The following CFAP53 variants were observed in gnomAD, a reference collection of about 807,000 sequenced individuals.
The protein encoded by CFAP53 is cilia and flagella associated protein 53.
A neutral mutation model predicts 59.7 loss-of-function variants in CFAP53; 62 were observed. That is an observed-to-expected ratio of 1.04 (90% CI 0.85 to 1.28). CFAP53 has a LOEUF of 1.28. Among genes scored for constraint, CFAP53 ranks in the 50% most tolerant of loss-of-function variants. CFAP53 has a pLI of 0.00. For missense variants in CFAP53, 629 were observed against 615.6 expected (o/e 1.02, Z -0.23); for synonymous variants, 218 against 205.7 (o/e 1.06, Z -0.51).
At chr18:50,252,443 G>C (rs925050198) in intron 3 of CFAP53, among the ~76,000 whole-genome samples, 1 of 151,876 alleles carries the variant, frequency 6.6e-6, no homozygotes, top group Non-Finnish European at 1.5e-5. Flanking sequence ...TCACTCTGTC[G>C]CTCAGGCTGG....
Position 50,227,447 on chromosome 18 carries a change from G to A in CFAP53, c.1479C>T (p.Thr493=). Reference sequence around the variant, plus strand: ...GAATGTTTTGAGGCAGCACTTGATGGGTGGACAGGACCTCCTGGACCTTGT... The same window carrying A: ...GAATGTTTTGAGGCAGCACTTGATGAGTGGACAGGACCTCCTGGACCTTGT... ...CLDKVQEVLS[T]HQVLPQNIHP... Residue 493 remains threonine, a synonymous_variant, in exon 8 of 8, where the codon ACC becomes ACT. Transcript: ENST00000398545. The A allele has an allele frequency of 6.2e-7, 1 of 1,614,138 alleles. No individual in the cohort carries two copies. Among genetic ancestry groups the A allele is most frequent in the Non-Finnish European group, 8.5e-7 (1 of 1,180,022 alleles).
chr18:50,231,475 G>A (rs2033583073), intron 7 of CFAP53, among the ~76,000 whole-genome samples: 1 of 152,200 alleles, frequency 6.6e-6, no homozygotes, highest in South Asian at 2.1e-4. Context: ...TCTACCCAGA[G>A]AGACAATTGT....
chr18:50,236,734 T>G (rs2144405610), intron 7 of CFAP53, among the ~76,000 whole-genome samples: 1 of 152,306 alleles, frequency 6.6e-6, no homozygotes, highest in South Asian at 2.1e-4. Context: ...AGCCTTCAGA[T>G]GAATATATAG....
intron 3 of CFAP53, among the ~76,000 whole-genome samples, chr18:50,258,458 T>C (rs2033864017): frequency 1.3e-5 from 2 of 152,132 alleles, no homozygotes; most frequent in African/African-American, 4.8e-5. Flanking sequence ...CAAATCAAAA[T>C]AGATCCAAGA....
Position 50,251,583 on chromosome 18 carries a change from C to T in CFAP53, c.675G>A (p.Glu225=), listed in dbSNP as rs2033800755. The T allele has an allele frequency of 1.2e-6, 2 of 1,614,126 alleles. No homozygotes were observed. The highest frequency in any genetic ancestry group is 1.7e-6 in the Non-Finnish European group (2 of 1,180,064). ...REAQEARRQK[E]LMENTRLGLN... ...GCCCCAGGCGTGTGTTCTCCATCAGCTCTTTCTGTCTCCTCGCCTCTTGGG... is the reference window on the plus strand; with the variant it reads ...GCCCCAGGCGTGTGTTCTCCATCAGTTCTTTCTGTCTCCTCGCCTCTTGGG... Residue 225 remains glutamate (E), a synonymous_variant, in exon 4 of 8, where the codon GAG becomes GAA. Transcript: ENST00000398545.
At position 50,266,211 on chromosome 18, in the gene CFAP53, T is replaced by G; in HGVS notation, c.69+125A>C. On this transcript the variant is annotated intron_variant, in intron 1 of 7. Transcript: ENST00000398545. ...TTCCTTCTTTCAAAATTCAACCCAC[T>G]GCATCAGGCGACACCCGTTCCCCTC... 5 of 824,710 alleles carry G rather than the reference T, an allele frequency of 6.1e-6. No individual in the cohort carries two copies. The South Asian group carries it at 7.5e-5, about 12-fold the overall frequency. 51.1% of individuals were successfully genotyped at this position (824,710 alleles called of 1,614,324 possible). A position where few individuals can be genotyped will look rare whatever the true frequency, so the allele number is the denominator to read the frequency against.
intron 3 of CFAP53, chr18:50,256,064 T>G (rs569827312): frequency 2.0e-5 from 3 of 152,266 alleles, no homozygotes; most frequent in Non-Finnish European, 2.9e-5. Context: ...TACTATAGGA[T>G]ACATTCGTTT....
In CFAP53 at chr18:50,228,862, C is replaced by T. The variant is rs148976798; in HGVS notation, c.1317-1253G>A. Among the ~76,000 whole-genome samples, 613 of 151,978 alleles carry T rather than the reference C, an allele frequency of 4.0e-3. 3 individuals are homozygous for T. Among genetic ancestry groups the T allele is most frequent in the African/African-American group, 0.014 (577 of 41,440 alleles). On this transcript the variant is annotated intron_variant, in intron 7 of 7. Transcript: ENST00000398545. ...GGTCATACACCTAATAATCCCAGCA[C>T]CTTAGGAGCCCAAGACAGGAGGATC...
chr18:50,239,743 T>C lies in CFAP53; in HGVS notation c.1214-1038A>G, dbSNP rs372145519. Among the ~76,000 whole-genome samples the C allele has an allele frequency of 2.3e-4, 35 of 152,288 alleles. No individual in the cohort carries two copies. In the South Asian group the frequency reaches 2.9e-3, roughly 13 times the overall value. On this transcript the variant is annotated intron_variant, in intron 6 of 7. Transcript: ENST00000398545. ...AAATATTTTTGATAAGTGAAAAATA[T>C]AGACCATAAAACAGTATATACTACA...
rs1462858025 is a variant in CFAP53, at chr18:50,266,420, G to A, written c.-16C>T. 5 of 1,613,846 alleles carry A rather than the reference G, an allele frequency of 3.1e-6. No individual in the cohort carries two copies. The highest frequency in any genetic ancestry group is 2.7e-5 in the African/African-American group (2 of 74,944). ...GGCTGTACATTTTCGAGTCCCCTTCGGGACGGGGGCGGCGTCCGCCGCGTT... is the reference window on the plus strand; with the variant it reads ...GGCTGTACATTTTCGAGTCCCCTTCAGGACGGGGGCGGCGTCCGCCGCGTT... On this transcript the variant is annotated 5_prime_UTR_variant, in exon 1 of 8. Coordinates refer to ENST00000398545, the MANE Select transcript of CFAP53 (RefSeq NM_145020.5).
intron 3 of CFAP53, among the ~76,000 whole-genome samples, chr18:50,257,425 A>G (rs2033855807): frequency 6.6e-6 from 1 of 152,242 alleles, no homozygotes; most frequent in Non-Finnish European, 1.5e-5. Flanking sequence ...GTAAAGTTGC[A>G]GGATACAAAA....
chr18:50,255,287 G>A (rs531016662), intron 3 of CFAP53, among the ~76,000 whole-genome samples: 4 of 152,306 alleles, frequency 2.6e-5, no homozygotes, highest in South Asian at 4.1e-4. Context: ...GGAATGATGG[G>A]GGTGAGAGTA....
chr18:50,242,646 C>T (rs1253468102), intron 6 of CFAP53, among the ~76,000 whole-genome samples: 2 of 152,156 alleles, frequency 1.3e-5, no homozygotes, highest in South Asian at 2.1e-4. Flanking sequence ...ATTCTAATCA[C>T]CAAGACATAC....
At position 50,261,053 on chromosome 18, in the gene CFAP53, G is replaced by T; in HGVS notation, c.473+11C>A. The T allele has an allele frequency of 6.3e-7, 1 of 1,586,008 alleles. No homozygotes were observed. Among genetic ancestry groups the T allele is most frequent in the African/African-American group, 1.4e-5 (1 of 72,910 alleles). On this transcript the variant is annotated intron_variant, in intron 3 of 7. Coordinates refer to ENST00000398545, the MANE Select transcript of CFAP53 (RefSeq NM_145020.5). ...TTTGGATTCTGTTTGTGTGTTTTCT[G>T]ATTTCATTACCTGAATTGCTGGTCT... is the stretch of plus-strand genomic sequence containing the variant.
In CFAP53 at chr18:50,262,054, C is replaced by T. The variant is rs200378044; in HGVS notation, c.235G>A (p.Val79Met). 6.2e-7 allele frequency: 1 copy of T among 1,614,180 alleles called. No individual in the cohort carries two copies. Among genetic ancestry groups the T allele is most frequent in the Admixed American group, 1.7e-5 (1 of 60,024 alleles). Reference protein sequence around the residue: ...HNDCKILDSLVRARIKDAVQG... With the variant: ...HNDCKILDSLMRARIKDAVQG... Reference sequence around the variant, plus strand: ...ACAGCATCCTTGATTCTTGCTCGCACAAGGCTGTCCAAAATCTTGCAGTCA... The same window carrying T: ...ACAGCATCCTTGATTCTTGCTCGCATAAGGCTGTCCAAAATCTTGCAGTCA... Residue 79 changes from valine to methionine, a missense_variant, in exon 2 of 8, where the codon GTG becomes ATG. Physicochemically the swap from Val to Met is conservative, Grantham distance 21. Transcript: ENST00000398545.
chr18:50,240,296 C>T (rs919717540), intron 6 of CFAP53, among the ~76,000 whole-genome samples: 1 of 152,090 alleles, frequency 6.6e-6, no homozygotes, highest in Non-Finnish European at 1.5e-5. Context: ...CTGCTCCACC[C>T]TAACTCATTC....
intron 3 of CFAP53, chr18:50,256,571 T>G (rs1478342459): frequency 2.6e-5 from 4 of 152,166 alleles, no homozygotes; most frequent in Non-Finnish European, 5.9e-5. Context: ...CCTCTCCTTT[T>G]GAGAGGGAAT....
At chr18:50,262,341 C>A (rs896996237) in intron 1 of CFAP53, 122 bp from the exon 2 acceptor site, 14 of 711,446 alleles carry the variant, frequency 2.0e-5, no homozygotes, top group Non-Finnish European at 2.8e-5. Context: ...ACTAATACAT[C>A]CTACTACAAC....
chr18:50,245,074 A>C (rs1038849740), intron 5 of CFAP53, among the ~76,000 whole-genome samples: 6 of 150,694 alleles, frequency 4.0e-5, no homozygotes, highest in African/African-American at 1.5e-4. Context: ...AAAAAAAAAA[A>C]AAAAAAAAAA....
Sources: gnomAD v4.1 joint callset for allele counts (sites outside exome capture counted in the v4.1 genomes callset) on GRCh38, gnomAD v4.1.1 for gene constraint, MANE v1.5 for transcripts, NCBI Gene and HGNC (gene_info 2026-07-23, HGNC 2026-07-21) for gene names.